Variants in RABEPK observed in about 807,000 individuals in gnomAD.
RABEPK encodes 40 kDa Rab9 effector protein.
Under a neutral mutation model 34.1 loss-of-function variants are expected in RABEPK, and 27 were observed. The observed-to-expected ratio is 0.79, with a 90% CI of 0.58 to 1.09. The LOEUF is 1.09. Among genes scored for constraint, RABEPK ranks in the 50% least tolerant of loss-of-function variants. The probability of loss-of-function intolerance (pLI) is 0.00; values close to 1 mark genes in which losing one functional copy is unlikely to be tolerated. For missense variants in RABEPK, 449 were observed against 462.6 expected, an observed-to-expected ratio of 0.97 and a Z score of 0.27; for synonymous variants, 172 against 169.2, an observed-to-expected ratio of 1.02 and a Z score of -0.13.
At chr9:125,216,289 A>C (rs929532403) in intron 4 of RABEPK, among the ~76,000 whole-genome samples, 1 of 152,122 alleles carries the variant, frequency 6.6e-6, no homozygotes, top group African/African-American at 2.4e-5. Context: ...CTCTCAAAAA[A>C]GCATTTTTTG....
Position 125,234,141 on chromosome 9 carries a change from C to G in RABEPK, c.*161C>G. 1.4e-6 allele frequency: 1 copy of G among 733,712 alleles called. No individual in the cohort carries two copies. Among genetic ancestry groups the G allele is most frequent in the East Asian group, 2.7e-5 (1 of 37,254 alleles). 45.5% of individuals were successfully genotyped at this position (733,712 alleles called of 1,614,324 possible). On this transcript the variant is annotated 3_prime_UTR_variant, in exon 8 of 8. Coordinates refer to ENST00000373538, the MANE Select transcript of RABEPK (RefSeq NM_005833.4). Reference sequence around the variant, plus strand: ...CAAATAATTCTTATGTGCACTAAACCTTGCTATATTGCCTCTCAGAGCTCT... The same window carrying G: ...CAAATAATTCTTATGTGCACTAAACGTTGCTATATTGCCTCTCAGAGCTCT...
At chr9:125,226,209 C>G (rs1484772447) in intron 5 of RABEPK, among the ~76,000 whole-genome samples, 1 of 149,708 alleles carries the variant, frequency 6.7e-6, no homozygotes, top group Non-Finnish European at 1.5e-5. Flanking sequence ...CCCACCTACT[C>G]AGGAGGCTGA....
intron 5 of RABEPK, among the ~76,000 whole-genome samples, chr9:125,223,042 G>T (rs1300653901): frequency 1.3e-5 from 2 of 152,166 alleles, no homozygotes; most frequent in African/African-American, 4.8e-5. Flanking sequence ...AGCACTTTGG[G>T]AGGCAGAGGC....
intron 6 of RABEPK, among the ~76,000 whole-genome samples, chr9:125,231,006 T>G (rs1019733436): frequency 2.0e-5 from 3 of 152,120 alleles, no homozygotes; most frequent in Non-Finnish European, 2.9e-5. Context: ...CTTGCCTTAT[T>G]TAAATGCTTG....
chr9:125,222,357 C>T (rs1479022860), intron 5 of RABEPK: 5 of 151,748 alleles, frequency 3.3e-5, no homozygotes, highest in Admixed American at 3.3e-4. Flanking sequence ...TATGTACTAT[C>T]ACCCCAAAAT....
At chr9:125,227,460 C>T (rs781517802) in intron 5 of RABEPK, among the ~76,000 whole-genome samples, 3 of 151,488 alleles carry the variant, frequency 2.0e-5, no homozygotes, top group Non-Finnish European at 2.9e-5. Context: ...CTTGCTCTGT[C>T]GCCCAGGCTG....
intron 1 of RABEPK, among the ~76,000 whole-genome samples, chr9:125,201,323 A>C (rs1829890512): frequency 6.6e-6 from 1 of 152,232 alleles, no homozygotes; most frequent in Non-Finnish European, 1.5e-5. Context: ...AATTATGAAA[A>C]GGCCTGCCAT....
At chr9:125,213,665 G>A in intron 4 of RABEPK, 143 bp downstream of exon 4, 2 of 742,276 alleles carry the variant, frequency 2.7e-6, no homozygotes, top group Non-Finnish European at 4.2e-6. Context: ...ATAGAAAATA[G>A]GAATTTTAAC....
chr9:125,220,911 A>T, intron 5 of RABEPK: 1 of 564,782 alleles, frequency 1.8e-6, no homozygotes, highest in Non-Finnish European at 2.8e-6. Flanking sequence ...TCACACCTGT[A>T]ATCCCAGAGC....
At chr9:125,210,716 A>G (rs959901194) in intron 3 of RABEPK, among the ~76,000 whole-genome samples, 2 of 151,600 alleles carry the variant, frequency 1.3e-5, no homozygotes, top group Non-Finnish European at 2.9e-5. Flanking sequence ...CAAAAAAAAA[A>G]AAAAAAGAAA....
intron 4 of RABEPK, among the ~76,000 whole-genome samples, chr9:125,219,481 G>A (rs1014247552): frequency 2.6e-5 from 4 of 151,524 alleles, no homozygotes; most frequent in Non-Finnish European, 4.4e-5. Flanking sequence ...TGCATCCTCC[G>A]CCTCCTGGTT....
At chr9:125,207,302 T>C (rs1248050902) in intron 2 of RABEPK, among the ~76,000 whole-genome samples, 1 of 152,058 alleles carries the variant, frequency 6.6e-6, no homozygotes, top group Non-Finnish European at 1.5e-5. Context: ...AGTTTCCCTA[T>C]CTACCAAATG....
At chr9:125,220,435 C>T in intron 4 of RABEPK, 104 bp from the exon 5 acceptor site, 1 of 1,510,014 alleles carries the variant, frequency 6.6e-7, no homozygotes, top group South Asian at 1.4e-5. Flanking sequence ...ATGCTGGCCC[C>T]CCTGGGGATT....
At chr9:125,209,524 T>G (rs1378028612) in intron 3 of RABEPK, among the ~76,000 whole-genome samples, 1 of 152,064 alleles carries the variant, frequency 6.6e-6, no homozygotes, top group Non-Finnish European at 1.5e-5. Context: ...AATTTTTGTA[T>G]TTTTAGTAGA....
chr9:125,232,735 G>A lies in RABEPK; in HGVS notation c.816G>A (p.Gln272=), dbSNP rs2131443066. 1.2e-6 allele frequency: 2 copies of A among 1,613,214 alleles called. No homozygotes were observed. Among genetic ancestry groups the A allele is most frequent in the East Asian group, 4.5e-5 (2 of 44,864 alleles). Residue 272 remains glutamine (Q), a synonymous_variant, in exon 7 of 8, where the codon CAG becomes CAA. Coordinates refer to ENST00000373538, the MANE Select transcript of RABEPK (RefSeq NM_005833.4). ...TPAGALDTMY[Q]YHTEEQHWTL... The stretch of plus-strand genomic sequence containing the variant: ...CAGGAGCACTGGACACAATGTACCA[G>A]TATCACACAGGTGAGCAGGTGTCCA...
At chr9:125,202,001 C>A (rs947919909) in intron 1 of RABEPK, among the ~76,000 whole-genome samples, 9 of 151,120 alleles carry the variant, frequency 6.0e-5, no homozygotes, top group Non-Finnish European at 1.2e-4. Context: ...CCGAGGCGAG[C>A]CAAGTTCAAG....
At chr9:125,229,246 T>G (rs1832001986) in intron 6 of RABEPK, among the ~76,000 whole-genome samples, 1 of 149,046 alleles carries the variant, frequency 6.7e-6, no homozygotes, top group Middle Eastern at 3.6e-3. Flanking sequence ...ACAGCAAGAC[T>G]CCGTCTCCAA....
At chr9:125,214,759 A>G (rs967435629) in intron 4 of RABEPK, among the ~76,000 whole-genome samples, 2 of 142,512 alleles carry the variant, frequency 1.4e-5, no homozygotes, top group Admixed American at 6.8e-5. Context: ...TCCACAATCC[A>G]TTATTATATT....
At chr9:125,231,892 G>A (rs1379930444) in intron 6 of RABEPK, among the ~76,000 whole-genome samples, 13 of 122,366 alleles carry the variant, frequency 1.1e-4, no homozygotes, top group Non-Finnish European at 2.2e-4. Context: ...CTAAGGAACT[G>A]TATTTTTTTT....
Sources: allele counts gnomAD v4.1 joint callset (sites outside exome capture counted in the v4.1 genomes callset), GRCh38; gene constraint gnomAD v4.1.1; transcripts MANE v1.5; gene names NCBI Gene and HGNC (gene_info 2026-07-23, HGNC 2026-07-21).